Variants in CHKA observed in about 807,000 individuals in gnomAD.
CHKA encodes the protein CHETK-alpha.
Under a neutral mutation model 60.1 loss-of-function variants are expected in CHKA, and 34 were observed. The observed-to-expected ratio is 0.57, with a 90% CI of 0.43 to 0.75. CHKA has a LOEUF of 0.75. Among genes scored for constraint, CHKA ranks in the 30% least tolerant of loss-of-function variants. The pLI is 0.00. For synonymous variants in CHKA, 217 were observed against 223.1 expected (o/e 0.97, Z 0.24); for missense variants, 563 against 561.3 (o/e 1.00, Z -0.03).
At chr11:68,119,555 C>T (rs1858524129) in intron 1 of CHKA, among the ~76,000 whole-genome samples, 1 of 152,132 alleles carries the variant, frequency 6.6e-6, no homozygotes, top group South Asian at 2.1e-4. Context: ...CTGCAACCGC[C>T]GCCTCCCAGG....
At chr11:68,068,810 G>A (rs1243951789) in intron 7 of CHKA, 69 bp downstream of exon 7, 1 of 1,047,684 alleles carries the variant, frequency 9.5e-7, no homozygotes, top group Non-Finnish European at 1.5e-6. Flanking sequence ...ACATTTTTCA[G>A]ACACACTGCC....
intron 11 of CHKA, among the ~76,000 whole-genome samples, chr11:68,054,849 C>T (rs1339346873): frequency 6.6e-6 from 1 of 152,162 alleles, no homozygotes; most frequent in Non-Finnish European, 1.5e-5. Flanking sequence ...CAGGCAGCCA[C>T]CGACTCAATA....
At chr11:68,061,893 A>G (rs1253785842) in intron 11 of CHKA, 60 bp downstream of exon 11, 3 of 1,159,230 alleles carry the variant, frequency 2.6e-6, no homozygotes, top group East Asian at 2.5e-5. Context: ...CACAAATACT[A>G]TAGCATTTTT....
intron 7 of CHKA, among the ~76,000 whole-genome samples, chr11:68,067,693 A>G (rs559429999): frequency 1.3e-5 from 2 of 152,220 alleles, no homozygotes; most frequent in South Asian, 2.1e-4. Flanking sequence ...TCATCAACAC[A>G]GCCGATCTCC....
intron 1 of CHKA, 22 bp from the exon 2 acceptor site, chr11:68,097,152 T>G: frequency 6.4e-7 from 1 of 1,573,298 alleles, no homozygotes; most frequent in Non-Finnish European, 8.7e-7. Flanking sequence ...AAGAGGACAG[T>G]AAGTATCTTT....
chr11:68,070,779 C>T lies in CHKA; in HGVS notation c.709G>A (p.Gly237Ser), dbSNP rs888867688. Residue 237 changes from glycine to serine, a missense_variant, in exon 5 of 12, where the codon GGT (glycine) becomes AGT (serine). By Grantham distance (56) the Gly-to-Ser change is moderately conservative. Coordinates refer to ENST00000265689, the MANE Select transcript of CHKA (RefSeq NM_001277.3). ...TCCTTATTGAATGGCATTTTCATAC[C>T]ATGAAATGTAGCCATTTTCTCGGCG... The part of the protein sequence containing the change: ...EIAEKMATFH[G>S]MKMPFNKEPK... 1 of 1,613,308 alleles carries T rather than the reference C, an allele frequency of 6.2e-7. No individual in the cohort carries two copies. The highest frequency in any genetic ancestry group is 8.5e-7 in the Non-Finnish European group (1 of 1,179,314).
intron 1 of CHKA, among the ~76,000 whole-genome samples, chr11:68,113,711 A>C (rs1858268985): frequency 7.0e-6 from 1 of 142,800 alleles, no homozygotes; most frequent in Admixed American, 7.1e-5. Flanking sequence ...AAAACAAAAA[A>C]CAGCCAGGCG....
chr11:68,075,593 T>C lies in CHKA; in HGVS notation c.517-763A>G, dbSNP rs185026973. Among the ~76,000 whole-genome samples the C allele has an allele frequency of 2.5e-4, 38 of 152,296 alleles. 1 individual carries two copies. The highest frequency in any genetic ancestry group is 2.5e-3 in the Admixed American group (38 of 15,292). On this transcript the variant is annotated intron_variant, in intron 3 of 11. Coordinates refer to ENST00000265689, the MANE Select transcript of CHKA (RefSeq NM_001277.3). ...ACATTACAGCATAATGGTTTCCATCTGTTGGAGTGAAGGAGTCACGCTTAC... is the reference window on the plus strand; with the variant it reads ...ACATTACAGCATAATGGTTTCCATCCGTTGGAGTGAAGGAGTCACGCTTAC...
chr11:68,111,597 A>G (rs1306749097), intron 1 of CHKA, among the ~76,000 whole-genome samples: 1 of 152,110 alleles, frequency 6.6e-6, no homozygotes, highest in Non-Finnish European at 1.5e-5. Context: ...TACATTAATT[A>G]AAACAGTGTG....
intron 7 of CHKA, among the ~76,000 whole-genome samples, chr11:68,067,519 C>T (rs1856483833): frequency 1.3e-5 from 2 of 152,068 alleles, no homozygotes; most frequent in African/African-American, 4.8e-5. Context: ...CACTTAAGCC[C>T]AACAGGCTAA....
intron 2 of CHKA, among the ~76,000 whole-genome samples, chr11:68,096,242 C>T (rs897016930): frequency 2.0e-5 from 3 of 150,642 alleles, no homozygotes; most frequent in East Asian, 2.0e-4. Flanking sequence ...GCATGCATAA[C>T]GTCAGCTACT....
chr11:68,105,897 T>TA (rs1212889309), intron 1 of CHKA, among the ~76,000 whole-genome samples: 5 of 151,672 alleles, frequency 3.3e-5, no homozygotes, highest in South Asian at 2.1e-4. Flanking sequence ...TAGGAGAAAA[T>TA]AGAGCAGGCA....
At chr11:68,096,929 G>A (rs537284288) in intron 2 of CHKA, 90 bp downstream of exon 2, 4 of 821,932 alleles carry the variant, frequency 4.9e-6, no homozygotes, top group Non-Finnish European at 7.7e-6. Context: ...CACCATTAAA[G>A]TATTTAAAAT....
chr11:68,084,336 GTATATATATGTGTATATA>G (rs1041141706), intron 2 of CHKA, among the ~76,000 whole-genome samples: 1 of 127,314 alleles, frequency 7.9e-6, no homozygotes, highest in Non-Finnish European at 1.7e-5. Context: ...ACACATATAC[GTATATATATGTGTATATA>G]TATATACACA....
chr11:68,096,312 G>C (rs990178956), intron 2 of CHKA, among the ~76,000 whole-genome samples: 2 of 152,194 alleles, frequency 1.3e-5, no homozygotes, highest in East Asian at 3.9e-4. Context: ...AGTGAGCTGA[G>C]ATCACGCCAT....
intron 10 of CHKA, among the ~76,000 whole-genome samples, chr11:68,063,300 A>C (rs2134507330): frequency 6.6e-6 from 1 of 152,156 alleles, no homozygotes; most frequent in Non-Finnish European, 1.5e-5. Flanking sequence ...GGAGTTCATG[A>C]CCAGCCTGGG....
intron 4 of CHKA, among the ~76,000 whole-genome samples, chr11:68,071,474 A>C (rs1856616824): frequency 6.6e-6 from 1 of 152,154 alleles, no homozygotes; most frequent in African/African-American, 2.4e-5. Context: ...CTTCCCCTAA[A>C]TCAGCCCGAG....
chr11:68,058,014 C>T lies in CHKA; in HGVS notation c.1314+3939G>A, dbSNP rs549078598. On this transcript the variant is annotated intron_variant, in intron 11 of 11. Transcript: ENST00000265689. Reference sequence around the variant, plus strand: ...AAGTGATCTTCCCAGCTCAGCCTCCCGCGCAGCTGGGACTACAGGCATGTG... The same window carrying T: ...AAGTGATCTTCCCAGCTCAGCCTCCTGCGCAGCTGGGACTACAGGCATGTG... Among the ~76,000 whole-genome samples the T allele has an allele frequency of 2.8e-4, 42 of 152,292 alleles. No homozygotes were observed. In the South Asian group the frequency reaches 8.1e-3, roughly 29 times the overall value.
At position 68,068,949 on chromosome 11, in the gene CHKA, G is replaced by A. The variant is rs1053090278; in HGVS notation, c.870-12C>T. 6 of 1,606,850 alleles carry A rather than the reference G, an allele frequency of 3.7e-6. No homozygotes were observed. In the South Asian group the frequency reaches 6.6e-5, roughly 18 times the overall value. Reference sequence around the variant, plus strand: ...ATTCAAGCAATGATCTGAAAAGAAAGGTTTCACTGTTACCCATCACGCTTC... The same window carrying A: ...ATTCAAGCAATGATCTGAAAAGAAAAGTTTCACTGTTACCCATCACGCTTC... On this transcript the variant is annotated splice_polypyrimidine_tract_variant and intron_variant, in intron 6 of 11. Transcript: ENST00000265689.
Sources: gnomAD v4.1 joint callset for allele counts (sites outside exome capture counted in the v4.1 genomes callset) on GRCh38, gnomAD v4.1.1 for gene constraint, MANE v1.5 for transcripts, NCBI Gene and HGNC (gene_info 2026-07-23, HGNC 2026-07-21) for gene names.